The following PRPF18 variants were observed in gnomAD, a reference collection of about 807,000 sequenced individuals.
The protein encoded by PRPF18 is pre-mRNA processing factor 18, also known as pre-mRNA-splicing factor 18.
PRPF18 carries 38 observed loss-of-function variants against 46.5 expected under a neutral mutation model. The observed-to-expected ratio is 0.82, with a 90% CI of 0.63 to 1.07. The LOEUF is 1.07. Ranked by LOEUF, PRPF18 falls within the 50% of genes least tolerant of loss-of-function variation. The probability of loss-of-function intolerance (pLI) is 0.00; values close to 1 mark genes in which losing one functional copy is unlikely to be tolerated. For missense variants in PRPF18, 263 were observed against 410.0 expected, an observed-to-expected ratio of 0.64 and a Z score of 3.10; for synonymous variants, 152 against 146.7, an observed-to-expected ratio of 1.04 and a Z score of -0.26.
At chr10:13,591,523 G>C in intron 1 of PRPF18, 2 of 723,078 alleles carry the variant, frequency 2.8e-6, no homozygotes, top group Non-Finnish European at 5.1e-6. Flanking sequence ...GGTAGTCCTG[G>C]AGCTTAGGAA....
At chr10:13,601,281 G>C (rs1440318695) in intron 3 of PRPF18, among the ~76,000 whole-genome samples, 1 of 152,130 alleles carries the variant, frequency 6.6e-6, no homozygotes, top group Admixed American at 6.5e-5. Context: ...TTACCAGATA[G>C]CTGTGGAGGT....
intron 4 of PRPF18, among the ~76,000 whole-genome samples, chr10:13,609,121 A>G (rs1043107848): frequency 6.6e-6 from 1 of 152,266 alleles, no homozygotes; most frequent in Non-Finnish European, 1.5e-5. Context: ...TGAGAACGTT[A>G]GGAGTTAACA....
chr10:13,653,164 C>G, the PRPF18 span: 1 of 152,252 alleles, frequency 6.6e-6, no homozygotes, highest in African/African-American at 2.4e-5. Flanking sequence ...TGTTAGGACC[C>G]TTTCTTGCCA....
intron 1 of PRPF18, among the ~76,000 whole-genome samples, chr10:13,588,642 TTCC>T (rs2079912777): frequency 1.3e-5 from 2 of 152,194 alleles, no homozygotes; most frequent in East Asian, 1.9e-4. Context: ...TTAAATTCTA[TTCC>T]TCCTCCTTCT....
chr10:13,588,896 T>C (rs1357155335), intron 1 of PRPF18, among the ~76,000 whole-genome samples: 1 of 152,242 alleles, frequency 6.6e-6, no homozygotes, highest in Non-Finnish European at 1.5e-5. Flanking sequence ...CTTTTGTTTA[T>C]GTGTTATTTC....
intron 9 of PRPF18, among the ~76,000 whole-genome samples, chr10:13,621,573 T>C (rs993776082): frequency 5.9e-5 from 9 of 152,202 alleles, no homozygotes; most frequent in Admixed American, 5.2e-4. Context: ...CTGTGTCTTG[T>C]TGGTCCTAAG....
chr10:13,600,420 A>G (rs1296929865), intron 3 of PRPF18, 72 bp downstream of exon 3: 7 of 1,205,106 alleles, frequency 5.8e-6, no homozygotes, highest in South Asian at 1.5e-5. Flanking sequence ...AGCTTTTCCA[A>G]TAAGTTAAAC....
intron 8 of PRPF18, among the ~76,000 whole-genome samples, chr10:13,615,165 T>C (rs1286724610): frequency 2.0e-5 from 3 of 152,248 alleles, no homozygotes; most frequent in Non-Finnish European, 4.4e-5. Flanking sequence ...ATGGTTGCAT[T>C]GGCATGGATG....
intron 9 of PRPF18, among the ~76,000 whole-genome samples, chr10:13,624,280 A>G (rs1323137837): frequency 6.6e-6 from 1 of 152,206 alleles, no homozygotes; most frequent in Non-Finnish European, 1.5e-5. Context: ...AGCTGGCCTC[A>G]CCAATTAGAC....
At chr10:13,611,561 T>A in intron 5 of PRPF18, 54 bp from the exon 6 acceptor site, 1 of 1,396,890 alleles carries the variant, frequency 7.2e-7, no homozygotes, top group Non-Finnish European at 1.0e-6. Flanking sequence ...GTAATATATA[T>A]GTTTAGTTGT....
At chr10:13,611,390 A>G (rs7090752) in intron 5 of PRPF18, among the ~76,000 whole-genome samples, 53,190 of 151,982 alleles carry the variant, frequency 0.35, 10,493 homozygotes, top group East Asian at 0.85. Flanking sequence ...TCTCACATTC[A>G]TTACCCCCTC....
At chr10:13,638,181 C>T in the PRPF18 span, 1 of 152,054 alleles carries the variant, frequency 6.6e-6, no homozygotes, top group Non-Finnish European at 1.5e-5. Flanking sequence ...ACTTAGCTGA[C>T]ATACATACTT....
chr10:13,633,489 G>T (rs960961333), downstream of PRPF18, among the ~76,000 whole-genome samples: 1 of 152,186 alleles, frequency 6.6e-6, no homozygotes, highest in Non-Finnish European at 1.5e-5. Flanking sequence ...GAAAACACCA[G>T]TGTTTCCAAA....
chr10:13,650,046 C>T, the PRPF18 span, among the ~76,000 whole-genome samples: 1 of 152,162 alleles, frequency 6.6e-6, no homozygotes, highest in Non-Finnish European at 1.5e-5. Context: ...TGCCCTTTCC[C>T]AGGGCTATGC....
intron 3 of PRPF18, among the ~76,000 whole-genome samples, chr10:13,600,838 G>A (rs1467369210): frequency 6.6e-6 from 1 of 152,156 alleles, no homozygotes; most frequent in Non-Finnish European, 1.5e-5. Context: ...ATACAGTGGT[G>A]CAGTCTCAGT....
intron 3 of PRPF18, among the ~76,000 whole-genome samples, chr10:13,601,717 G>C (rs1271882447): frequency 1.3e-5 from 2 of 152,136 alleles, no homozygotes; most frequent in Non-Finnish European, 2.9e-5. Flanking sequence ...TATCTGGTCT[G>C]TTTCTCAATT....
chr10:13,588,263 T>C (rs2079905620), intron 1 of PRPF18, among the ~76,000 whole-genome samples: 1 of 151,942 alleles, frequency 6.6e-6, no homozygotes, highest in Admixed American at 6.6e-5. Flanking sequence ...CAAAATTAGC[T>C]GGGCGTGGTG....
chr10:13,589,475 A>G (rs1478923782), intron 1 of PRPF18, among the ~76,000 whole-genome samples: 1 of 152,224 alleles, frequency 6.6e-6, no homozygotes, highest in Non-Finnish European at 1.5e-5. Context: ...CCTTTATCAT[A>G]AGGAGTAAAT....
intron 3 of PRPF18, among the ~76,000 whole-genome samples, chr10:13,604,083 G>A (rs79639874): frequency 0.013 from 1,926 of 152,308 alleles, 44 homozygotes; most frequent in African/African-American, 0.044. Flanking sequence ...GTTTCACGAA[G>A]AAATGTGATT....
Sources: gnomAD v4.1 joint callset for allele counts (sites outside exome capture counted in the v4.1 genomes callset) on GRCh38, gnomAD v4.1.1 for gene constraint, MANE v1.5 for transcripts, NCBI Gene and HGNC (gene_info 2026-07-23, HGNC 2026-07-21) for gene names.